The following XIRP2 variants were observed in gnomAD, a reference collection of about 807,000 sequenced individuals.
XIRP2 encodes xin actin-binding repeat-containing protein 2.
XIRP2 carries 236 observed loss-of-function variants against 277.0 expected under a neutral mutation model. The observed-to-expected ratio is 0.85, with a 90% CI of 0.77 to 0.95. XIRP2 has a LOEUF of 0.95. Ranked by LOEUF, XIRP2 falls within the 40% of genes least tolerant of loss-of-function variation. The probability of loss-of-function intolerance (pLI) is 0.00; values close to 1 mark genes in which losing one functional copy is unlikely to be tolerated. For missense variants in XIRP2, 4,640 were observed against 4,157.5 expected (o/e 1.12, Z -3.19); for synonymous variants, 1,490 against 1,416.5 (o/e 1.05, Z -1.17).
At chr2:166,982,549 T>C (rs1686902088) in intron 2 of XIRP2, among the ~76,000 whole-genome samples, 1 of 152,088 alleles carries the variant, frequency 6.6e-6, no homozygotes, top group South Asian at 2.1e-4. Context: ...ATTCTGTTCT[T>C]CAGATTTAAA....
chr2:166,995,445 A>G (rs1656979975), intron 2 of XIRP2, among the ~76,000 whole-genome samples: 1 of 152,200 alleles, frequency 6.6e-6, no homozygotes, highest in South Asian at 2.1e-4. Context: ...GTTAGGGCTG[A>G]TGATCAGTTA....
chr2:167,158,042 C>T (rs73019948), intron 3 of XIRP2, among the ~76,000 whole-genome samples: 14,759 of 151,880 alleles, frequency 0.097, 764 homozygotes, highest in South Asian at 0.16. Flanking sequence ...CTAGTTGTGC[C>T]GTAACATAAA....
chr2:166,908,387 G>A (rs181692780), intron 2 of XIRP2, among the ~76,000 whole-genome samples: 184 of 152,280 alleles, frequency 1.2e-3, no homozygotes, highest in African/African-American at 4.3e-3. Context: ...ATTTTTTCAT[G>A]TGTGTGTTGG....
At chr2:167,177,810 TC>T (rs1444857319) in intron 3 of XIRP2, among the ~76,000 whole-genome samples, 1 of 152,134 alleles carries the variant, frequency 6.6e-6, no homozygotes, top group Non-Finnish European at 1.5e-5. Flanking sequence ...TGTCAATATC[TC>T]TCATATGTAT....
intron 2 of XIRP2, among the ~76,000 whole-genome samples, chr2:167,060,259 G>A (rs1050360846): frequency 6.6e-6 from 1 of 152,080 alleles, no homozygotes; most frequent in African/African-American, 2.4e-5. Flanking sequence ...ACATGAGATA[G>A]GGTATAAAGA....
chr2:167,168,538 AAC>A (rs1199072024), intron 3 of XIRP2, among the ~76,000 whole-genome samples: 1 of 152,222 alleles, frequency 6.6e-6, no homozygotes, highest in African/African-American at 2.4e-5. Context: ...GTCCATCAAA[AAC>A]ATTCTTCAAT....
intron 3 of XIRP2, among the ~76,000 whole-genome samples, chr2:167,137,845 C>A (rs980542290): frequency 6.6e-6 from 1 of 152,118 alleles, no homozygotes; most frequent in Admixed American, 6.5e-5. Flanking sequence ...CTAATTCCTA[C>A]GTAGCAATAC....
chr2:167,041,132 G>A (rs1156732846), intron 2 of XIRP2, among the ~76,000 whole-genome samples: 1 of 152,206 alleles, frequency 6.6e-6, no homozygotes. Flanking sequence ...GTTAGAGCAT[G>A]CAGGCTAGGA....
At chr2:167,074,624 A>ATGTG (rs1689514316) in intron 2 of XIRP2, among the ~76,000 whole-genome samples, 1 of 139,318 alleles carries the variant, frequency 7.2e-6, no homozygotes, top group East Asian at 2.1e-4. Context: ...GTGTGTGTGC[A>ATGTG]TGTGTGTGTG....
chr2:167,250,964 A>T lies in XIRP2; in HGVS notation c.9572A>T (p.Lys3191Met). The change falls in exon 9 of 11, where the codon AAG becomes ATG. Residue 3191 changes from lysine to methionine, a missense_variant. Physicochemically the swap from Lys to Met is moderately conservative, Grantham distance 95. Coordinates refer to ENST00000409195, the MANE Select transcript of XIRP2 (RefSeq NM_152381.6). ...GTCAGACTCAAAGACACCACTGCAA[A>T]GTTATCCAAAGGGGCCATCCCATGT... ...QLVRLKDTTA[K>M]LSKGAIPCPA... is the part of the protein sequence containing the mutation. 1 of 1,613,640 alleles carries T rather than the reference A, an allele frequency of 6.2e-7. No individual in the cohort carries two copies. Among genetic ancestry groups the T allele is most frequent in the Non-Finnish European group, 8.5e-7 (1 of 1,179,742 alleles).
intron 2 of XIRP2, among the ~76,000 whole-genome samples, chr2:167,048,859 T>C (rs1243500991): frequency 6.6e-6 from 1 of 151,980 alleles, no homozygotes. Context: ...AAAAGGGTGC[T>C]AGTCTCATTT....
At chr2:167,087,821 A>G (rs1356846531) in intron 2 of XIRP2, among the ~76,000 whole-genome samples, 1 of 151,982 alleles carries the variant, frequency 6.6e-6, no homozygotes, top group Non-Finnish European at 1.5e-5. Flanking sequence ...GCGTGCACCC[A>G]CTGACCTGCG....
intron 1 of XIRP2, among the ~76,000 whole-genome samples, chr2:166,897,580 T>G (rs1487324904): frequency 1.3e-5 from 2 of 152,052 alleles, no homozygotes; most frequent in Non-Finnish European, 2.9e-5. Flanking sequence ...TTAACAACTA[T>G]GATAGAAGAA....
At chr2:166,981,822 T>G (rs1686877810) in intron 2 of XIRP2, among the ~76,000 whole-genome samples, 1 of 152,208 alleles carries the variant, frequency 6.6e-6, no homozygotes, top group South Asian at 2.1e-4. Flanking sequence ...GGTCACATTC[T>G]GAGATTCTGA....
intron 3 of XIRP2, among the ~76,000 whole-genome samples, chr2:167,159,053 G>A (rs958937983): frequency 1.3e-5 from 2 of 152,120 alleles, no homozygotes; most frequent in Non-Finnish European, 2.9e-5. Flanking sequence ...GGCCTCAGTG[G>A]GGAGGGCACT....
chr2:167,075,027 A>G (rs1689525944), intron 2 of XIRP2, among the ~76,000 whole-genome samples: 1 of 152,214 alleles, frequency 6.6e-6, no homozygotes, highest in Admixed American at 6.5e-5. Flanking sequence ...TGGAAATTCA[A>G]TGAGAATTAT....
chr2:166,917,511 G>T (rs778416247), intron 2 of XIRP2, among the ~76,000 whole-genome samples: 6 of 151,940 alleles, frequency 3.9e-5, no homozygotes, highest in Non-Finnish European at 7.4e-5. Context: ...AGAAATAGCT[G>T]GCAAAACTCC....
chr2:167,106,270 TTA>T (rs559590530), intron 2 of XIRP2, among the ~76,000 whole-genome samples: 69 of 151,832 alleles, frequency 4.5e-4, no homozygotes, highest in African/African-American at 1.6e-3. Context: ...TGAAGGATTC[TTA>T]TATGTTTATT....
intron 3 of XIRP2, among the ~76,000 whole-genome samples, chr2:167,198,764 T>G (rs978658244): frequency 6.6e-6 from 1 of 152,226 alleles, no homozygotes; most frequent in Admixed American, 6.5e-5. Context: ...TTTCAGCATT[T>G]TCACTTTCCT....
Sources: gnomAD v4.1 joint callset for allele counts (sites outside exome capture counted in the v4.1 genomes callset) on GRCh38, gnomAD v4.1.1 for gene constraint, MANE v1.5 for transcripts, NCBI Gene and HGNC (gene_info 2026-07-23, HGNC 2026-07-21) for gene names.